GALNT13: variants seen among roughly 807,000 people sequenced by gnomAD.
GALNT13 encodes UDP-GalNAc:polypeptide N-acetylgalactosaminyltransferase 13.
GALNT13 carries 28 observed loss-of-function variants against 64.2 expected under a neutral mutation model. That is an observed-to-expected ratio of 0.44 (90% CI 0.32 to 0.60). The LOEUF is 0.60. GALNT13 is among the 20% of genes least tolerant of loss of function. The pLI is 0.05. For synonymous variants in GALNT13, 214 were observed against 224.6 expected (o/e 0.95, Z 0.42); for missense variants, 577 against 669.8 (o/e 0.86, Z 1.53).
At chr2:153,388,710 CT>C in the GALNT13 span, among the ~76,000 whole-genome samples, 1 of 152,052 alleles carries the variant, frequency 6.6e-6, no homozygotes, top group Non-Finnish European at 1.5e-5. Context: ...AGTTAGGTGA[CT>C]TGCTAGGCCA....
chr2:154,110,322 TATATATATATATATAGAGAG>T (rs1558963045), intron 3 of GALNT13, among the ~76,000 whole-genome samples: 1 of 32,562 alleles, frequency 3.1e-5, no homozygotes, highest in Admixed American at 3.3e-4. Flanking sequence ...TATATATATA[TATATATATATATATAGAGAG>T]AGAGAGAGAG....
At chr2:153,477,337 A>AT in the GALNT13 span, 1 of 152,702 alleles carries the variant, frequency 6.5e-6, no homozygotes. Context: ...GGCCAGGAAC[A>AT]AAACGCTTAA....
the GALNT13 span, among the ~76,000 whole-genome samples, chr2:153,213,690 C>T: frequency 1.3e-5 from 2 of 152,276 alleles, no homozygotes; most frequent in East Asian, 3.9e-4. Context: ...TATTAACAGC[C>T]ATCTGATTTC....
intron 8 of GALNT13, among the ~76,000 whole-genome samples, chr2:154,289,003 G>T (rs1574024981): frequency 6.6e-6 from 1 of 152,328 alleles, no homozygotes; most frequent in East Asian, 1.9e-4. Flanking sequence ...CTAGCAAGAG[G>T]TTCTCCCTGA....
At chr2:153,405,467 G>T in the GALNT13 span, among the ~76,000 whole-genome samples, 9 of 152,166 alleles carry the variant, frequency 5.9e-5, no homozygotes, top group Non-Finnish European at 1.3e-4. Context: ...GCTTAGTGAA[G>T]GACACTCTGA....
chr2:154,364,599 T>C (rs575573268), intron 9 of GALNT13, among the ~76,000 whole-genome samples: 1 of 152,352 alleles, frequency 6.6e-6, no homozygotes, highest in South Asian at 2.1e-4. Context: ...ACTTTTAATC[T>C]GTTTTCTTAT....
At chr2:154,014,010 G>A (rs777993978) in intron 3 of GALNT13, among the ~76,000 whole-genome samples, 1 of 152,184 alleles carries the variant, frequency 6.6e-6, no homozygotes, top group Non-Finnish European at 1.5e-5. Context: ...CATTGCAAGC[G>A]GGAGTGATCA....
the GALNT13 span, among the ~76,000 whole-genome samples, chr2:153,398,492 C>T: frequency 2.6e-5 from 4 of 151,830 alleles, no homozygotes; most frequent in East Asian, 1.9e-4. Flanking sequence ...CCTGAGGAAT[C>T]GCCACACTGA....
the GALNT13 span, among the ~76,000 whole-genome samples, chr2:153,209,079 G>A: frequency 3.5e-5 from 5 of 142,062 alleles, no homozygotes; most frequent in African/African-American, 1.1e-4. Context: ...CCCGGTTCAC[G>A]CCATTCTCCT....
At chr2:153,733,189 C>A in the GALNT13 span, among the ~76,000 whole-genome samples, 1 of 151,918 alleles carries the variant, frequency 6.6e-6, no homozygotes, top group Non-Finnish European at 1.5e-5. Flanking sequence ...AAAAACAAAC[C>A]CATGTGCTTG....
intron 4 of GALNT13, among the ~76,000 whole-genome samples, chr2:154,238,355 G>T (rs545263064): frequency 6.6e-6 from 1 of 152,084 alleles, no homozygotes; most frequent in African/African-American, 2.4e-5. Context: ...AATATTGATA[G>T]AAATCTAAGT....
chr2:153,706,965 T>C, the GALNT13 span, among the ~76,000 whole-genome samples: 3 of 152,154 alleles, frequency 2.0e-5, no homozygotes, highest in Non-Finnish European at 4.4e-5. Context: ...TGGGAGGTAA[T>C]TGAATCATGG....
the GALNT13 span, among the ~76,000 whole-genome samples, chr2:153,253,942 G>A: frequency 1.3e-5 from 2 of 152,122 alleles, no homozygotes; most frequent in Non-Finnish European, 2.9e-5. Context: ...TTTTGGTTGT[G>A]TCTCTGCCCG....
At chr2:153,901,651 G>T (rs1688242758) in intron 2 of GALNT13, among the ~76,000 whole-genome samples, 1 of 152,048 alleles carries the variant, frequency 6.6e-6, no homozygotes, top group African/African-American at 2.4e-5. Flanking sequence ...CTGATGAAGT[G>T]TTCTGGCCAA....
At chr2:153,922,192 T>C (rs2105338591) in intron 2 of GALNT13, among the ~76,000 whole-genome samples, 2 of 152,178 alleles carry the variant, frequency 1.3e-5, no homozygotes, top group Middle Eastern at 3.4e-3. Flanking sequence ...CTGATTATGG[T>C]TTTTTGCAGG....
intron 11 of GALNT13, among the ~76,000 whole-genome samples, chr2:154,420,693 A>G (rs1700211371): frequency 6.6e-6 from 1 of 152,142 alleles, no homozygotes; most frequent in African/African-American, 2.4e-5. Context: ...TTTTTCATCA[A>G]GGACATAATT....
chr2:153,474,369 G>T, the GALNT13 span, among the ~76,000 whole-genome samples: 1 of 152,124 alleles, frequency 6.6e-6, no homozygotes, highest in Non-Finnish European at 1.5e-5. Flanking sequence ...TCCTAATTCA[G>T]AGTTAGTATA....
chr2:153,810,434 A>C, the GALNT13 span, among the ~76,000 whole-genome samples: 2 of 152,312 alleles, frequency 1.3e-5, no homozygotes, highest in East Asian at 3.9e-4. Flanking sequence ...ATCTAATTAA[A>C]GTTATTATAA....
chr2:154,175,356 CAA>C (rs1685587885), intron 4 of GALNT13, among the ~76,000 whole-genome samples: 1 of 152,150 alleles, frequency 6.6e-6, no homozygotes, highest in Non-Finnish European at 1.5e-5. Flanking sequence ...GATCACATAA[CAA>C]GACACTTTCA....
Sources: allele counts gnomAD v4.1 joint callset (sites outside exome capture counted in the v4.1 genomes callset), GRCh38; gene constraint gnomAD v4.1.1; transcripts MANE v1.5; gene names NCBI Gene and HGNC (gene_info 2026-07-23, HGNC 2026-07-21).